SSUH2: variants seen among roughly 807,000 people sequenced by gnomAD.
SSUH2 encodes protein SSUH2 homolog.
A neutral mutation model predicts 55.3 loss-of-function variants in SSUH2; 47 were observed. That is an observed-to-expected ratio of 0.85 (90% confidence interval 0.67 to 1.08). SSUH2 has a LOEUF of 1.08. Among genes scored for constraint, SSUH2 ranks in the 50% least tolerant of loss-of-function variants. The pLI is 0.00. For missense variants in SSUH2, 535 were observed against 490.7 expected (o/e 1.09, Z -0.85); for synonymous variants, 212 against 191.5 (o/e 1.11, Z -0.89).
intron 7 of SSUH2, among the ~76,000 whole-genome samples, chr3:8,655,938 C>T (rs1702895537): frequency 1.3e-5 from 2 of 152,146 alleles, no homozygotes; most frequent in Non-Finnish European, 2.9e-5. Flanking sequence ...TCTCCTCCTA[C>T]CACTGTGGAA....
intron 6 of SSUH2, 129 bp downstream of exon 6, chr3:8,630,676 C>T: frequency 1.2e-6 from 1 of 847,338 alleles, no homozygotes; most frequent in East Asian, 3.3e-5. Context: ...TTATTTATAA[C>T]CAACAAATGA....
At chr3:8,656,725 G>C (rs964783717) in intron 7 of SSUH2, among the ~76,000 whole-genome samples, 3 of 152,202 alleles carry the variant, frequency 2.0e-5, no homozygotes, top group African/African-American at 7.2e-5. Context: ...AGAAAACTGA[G>C]GCACAGGGAG....
intron 2 of SSUH2, among the ~76,000 whole-genome samples, chr3:8,677,637 G>A (rs1575407923): frequency 6.6e-6 from 1 of 150,902 alleles, no homozygotes; most frequent in East Asian, 2.1e-4. Flanking sequence ...CCAAACTGTG[G>A]GGCCCTGGCT....
chr3:8,648,204 G>T (rs1701954691), upstream of SSUH2, among the ~76,000 whole-genome samples: 1 of 152,228 alleles, frequency 6.6e-6, no homozygotes, highest in Non-Finnish European at 1.5e-5. Context: ...CAAGGGCTTA[G>T]AGAGGTTGAG....
intron 3 of SSUH2, among the ~76,000 whole-genome samples, chr3:8,672,597 C>T (rs11711028): frequency 0.086 from 13,050 of 152,092 alleles, 984 homozygotes; most frequent in African/African-American, 0.2. Context: ...GATGGGTGTA[C>T]ACCCCCTGCT....
intron 7 of SSUH2, among the ~76,000 whole-genome samples, chr3:8,628,956 C>T (rs923017537): frequency 5.3e-5 from 8 of 152,350 alleles, no homozygotes; most frequent in East Asian, 1.9e-4. Context: ...CCTGGGTTCA[C>T]GCCTGTCTCC....
chr3:8,667,890 A>C (rs1444699445), intron 5 of SSUH2, among the ~76,000 whole-genome samples: 2 of 152,184 alleles, frequency 1.3e-5, no homozygotes, highest in Admixed American at 6.5e-5. Context: ...ATTTCACAAT[A>C]TCTCAGCGCA....
At chr3:8,678,489 G>GC (rs1705607611) in intron 2 of SSUH2, among the ~76,000 whole-genome samples, 19 of 121,330 alleles carry the variant, frequency 1.6e-4, no homozygotes, top group South Asian at 9.2e-4. Flanking sequence ...CCCATTGCAA[G>GC]GGGGTGAGGC....
At chr3:8,680,288 C>T (rs1010545022) in intron 1 of SSUH2, among the ~76,000 whole-genome samples, 12 of 152,022 alleles carry the variant, frequency 7.9e-5, no homozygotes, top group Non-Finnish European at 1.0e-4. Flanking sequence ...AAAGGCCCCC[C>T]ATGCTGTGGT....
intron 3 of SSUH2, among the ~76,000 whole-genome samples, chr3:8,676,378 G>C (rs1202962745): frequency 1.3e-5 from 2 of 151,430 alleles, no homozygotes; most frequent in Admixed American, 1.3e-4. Context: ...GTGGGGGCGA[G>C]TCCACCTTCT....
chr3:8,640,666 A>G (rs1386971781), intron 1 of SSUH2, among the ~76,000 whole-genome samples: 4 of 152,146 alleles, frequency 2.6e-5, no homozygotes, highest in Non-Finnish European at 5.9e-5. Context: ...AGAAAGAAGG[A>G]AGGAGAAAGG....
rs534303737 is a variant in SSUH2, at chr3:8,679,058, A to G, written c.-901+647T>C. Among the ~76,000 whole-genome samples, 32 of 89,346 alleles carry G rather than the reference A, an allele frequency of 3.6e-4. 5 individuals carry two copies. Among genetic ancestry groups the G allele is most frequent in the South Asian group, 1.8e-3 (4 of 2,272 alleles). The allele number at this position is 89,346 out of a possible 152,430, so 58.6% of individuals were successfully genotyped here. On this transcript the variant is annotated intron_variant, in intron 2 of 18. Coordinates refer to the SSUH2 transcript ENST00000317371. ...TTAGGACACCAAACGCAGGGGAGGAAGCACCCCCCGCGAGGCGGGGACTGA... is the reference window on the plus strand; with the variant it reads ...TTAGGACACCAAACGCAGGGGAGGAGGCACCCCCCGCGAGGCGGGGACTGA...
chr3:8,655,596 C>T (rs1262263534), intron 7 of SSUH2, among the ~76,000 whole-genome samples: 1 of 152,252 alleles, frequency 6.6e-6, no homozygotes. Flanking sequence ...TTAGTCCCCA[C>T]AACCTCTATC....
At position 8,677,836 on chromosome 3, in the gene SSUH2, C is replaced by CG. The variant is rs1176573147; in HGVS notation, c.-900-484_-900-483insC. Among the ~76,000 whole-genome samples, 4 of 150,536 alleles carry CG rather than the reference C, an allele frequency of 2.7e-5. 1 individual carries two copies. Among genetic ancestry groups the CG allele is most frequent in the African/African-American group, 9.8e-5 (4 of 40,904 alleles). ...AGCCAGCCCCACACACCCACTCCACCACCAGCTCTCAGGATCTGCGGTGGA... is the reference window on the plus strand; with the variant it reads ...AGCCAGCCCCACACACCCACTCCACCGACCAGCTCTCAGGATCTGCGGTGGA... On this transcript the variant is annotated intron_variant, in intron 2 of 18. Transcript: ENST00000317371.
At chr3:8,659,721 C>T (rs1427500656) in intron 6 of SSUH2, 1 of 454,100 alleles carries the variant, frequency 2.2e-6, no homozygotes, top group African/African-American at 2.0e-5. Context: ...ATCCGTCTGT[C>T]CATCCATCCA....
chr3:8,633,617 A>G, intron 4 of SSUH2, 49 bp downstream of exon 4: 7 of 1,446,890 alleles, frequency 4.8e-6, no homozygotes, highest in Non-Finnish European at 6.4e-6. Context: ...CAAAGCCCCC[A>G]GCTCCCCAGC....
intron 10 of SSUH2, 52 bp downstream of exon 10, chr3:8,625,490 G>T: frequency 8.6e-7 from 1 of 1,164,728 alleles, no homozygotes; most frequent in Non-Finnish European, 1.3e-6. Flanking sequence ...AGGCCCACGA[G>T]AGCAGAGGAG....
At chr3:8,637,475 G>A (rs1700115371) in intron 1 of SSUH2, among the ~76,000 whole-genome samples, 1 of 152,120 alleles carries the variant, frequency 6.6e-6, no homozygotes, top group African/African-American at 2.4e-5. Flanking sequence ...CCCACCTGGG[G>A]GTGTGGAAGG....
intron 11 of SSUH2, among the ~76,000 whole-genome samples, chr3:8,622,397 C>T (rs112373016): frequency 0.01 from 1,554 of 152,306 alleles, 13 homozygotes; most frequent in African/African-American, 0.019. Context: ...CACCAACAAA[C>T]TGTGTGACTT....
Sources: allele counts gnomAD v4.1 joint callset (sites outside exome capture counted in the v4.1 genomes callset), GRCh38; gene constraint gnomAD v4.1.1; transcripts MANE v1.5; gene names NCBI Gene and HGNC (gene_info 2026-07-23, HGNC 2026-07-21).